The following AMMECR1 variants were observed in gnomAD, a reference collection of about 807,000 sequenced individuals.
AMMECR1 encodes nuclear protein AMMECR1.
AMMECR1 carries 3 observed loss-of-function variants against 22.5 expected under a neutral mutation model. That is an observed-to-expected ratio of 0.13 (90% confidence interval 0.06 to 0.35). The LOEUF is 0.35. Ranked by LOEUF, AMMECR1 falls within the 10% of genes least tolerant of loss-of-function variation. The pLI, the probability that AMMECR1 is intolerant of heterozygous loss-of-function variation, is 1.00. For synonymous variants in AMMECR1, 130 were observed against 116.7 expected (o/e 1.11, Z -0.74); for missense variants, 235 against 278.7 (o/e 0.84, Z 1.12).
intron 2 of AMMECR1, among the ~76,000 whole-genome samples, chrX:110,259,988 C>T (rs1188749426): frequency 9.0e-6 from 1 of 111,593 alleles, no homozygotes; most frequent in Non-Finnish European, 1.9e-5. Context: ...AATGAATCTG[C>T]CTCTGCTTTC....
intron 2 of AMMECR1, chrX:110,224,892 G>A (rs1408875845): frequency 6.6e-6 from 2 of 302,444 alleles, no homozygotes; most frequent in Non-Finnish European, 1.2e-5. Flanking sequence ...GATTCCATAG[G>A]CAGCAACTGC....
Position 110,195,781 on chromosome X carries a change from C to T in AMMECR1, c.*2739G>A, listed in dbSNP as rs1409600735. ...TCAACATGTTCAAAGTTAATTCATA[C>T]CACATAATTAACAGCTTTGTATATA... is the stretch of plus-strand genomic sequence containing the variant. On this transcript the variant is annotated 3_prime_UTR_variant, in exon 6 of 6. Transcript: ENST00000262844. 1 of 112,243 alleles carries T rather than the reference C, an allele frequency of 8.9e-6. No individual in the cohort carries two copies. Among genetic ancestry groups the T allele is most frequent in the East Asian group, 2.8e-4 (1 of 3,608 alleles). The allele number at this position is 112,243 out of a possible 1,213,427, so 9.3% of individuals were successfully genotyped here.
chrX:110,430,830 T>A (rs768976357), intron 1 of AMMECR1, among the ~76,000 whole-genome samples: 41 of 112,598 alleles, frequency 3.6e-4, no homozygotes, highest in Non-Finnish European at 7.7e-4. Flanking sequence ...GTGCTTTGAA[T>A]AAATTACTTT....
At chrX:110,204,212 A>G (rs937923968) in intron 3 of AMMECR1, among the ~76,000 whole-genome samples, 13 of 111,438 alleles carry the variant, frequency 1.2e-4, no homozygotes, top group Non-Finnish European at 2.3e-4. Flanking sequence ...TGACAATATC[A>G]GATTCCTCAT....
At chrX:110,416,966 G>A (rs1186016301) in intron 2 of AMMECR1, among the ~76,000 whole-genome samples, 2 of 112,161 alleles carry the variant, frequency 1.8e-5, no homozygotes, top group African/African-American at 3.2e-5. Context: ...TCCAATTTTC[G>A]GTTTTTGGGG....
At chrX:110,293,282 G>A (rs2067918260) in intron 1 of AMMECR1, among the ~76,000 whole-genome samples, 1 of 111,862 alleles carries the variant, frequency 8.9e-6, no homozygotes, top group Non-Finnish European at 1.9e-5. Flanking sequence ...TTCACACCAT[G>A]TGAGTATACT....
intron 1 of AMMECR1, among the ~76,000 whole-genome samples, chrX:110,280,724 C>G (rs1347076650): frequency 9.0e-6 from 1 of 111,596 alleles, no homozygotes; most frequent in East Asian, 2.8e-4. Flanking sequence ...AATATTTTCA[C>G]ATTTTTAGGA....
chrX:110,345,971 T>G (rs1348658604), intron 2 of AMMECR1, among the ~76,000 whole-genome samples: 1 of 111,914 alleles, frequency 8.9e-6, no homozygotes, highest in Non-Finnish European at 1.9e-5. Flanking sequence ...TCTGTAAAGC[T>G]TAAGTTGGTA....
At chrX:110,264,245 A>T (rs1317454618) in intron 2 of AMMECR1, among the ~76,000 whole-genome samples, 3 of 108,264 alleles carry the variant, frequency 2.8e-5, no homozygotes, top group Admixed American at 9.9e-5. Flanking sequence ...CCACTGGAAG[A>T]AAAAAAAAAC....
At chrX:110,378,070 C>A (rs1030882339) in intron 2 of AMMECR1, among the ~76,000 whole-genome samples, 1 of 107,625 alleles carries the variant, frequency 9.3e-6, no homozygotes, top group Non-Finnish European at 1.9e-5. Context: ...ATCTTTTGTC[C>A]TTTTCTTCAA....
chrX:110,335,142 A>G (rs1160688346), intron 2 of AMMECR1, among the ~76,000 whole-genome samples: 2 of 111,451 alleles, frequency 1.8e-5, no homozygotes, highest in Non-Finnish European at 3.8e-5. Flanking sequence ...TATCTTCTTC[A>G]TGGGGTTATT....
chrX:110,393,093 C>G (rs1373743075), intron 2 of AMMECR1, among the ~76,000 whole-genome samples: 1 of 111,132 alleles, frequency 9.0e-6, no homozygotes, highest in Non-Finnish European at 1.9e-5. Flanking sequence ...GGCCTGCTTC[C>G]CACCGGAGAC....
At chrX:110,349,214 C>T (rs780210647) in intron 2 of AMMECR1, among the ~76,000 whole-genome samples, 21 of 112,003 alleles carry the variant, frequency 1.9e-4, no homozygotes, top group Non-Finnish European at 3.6e-4. Context: ...GAGATTAATT[C>T]GTCAGAGGCC....
At chrX:110,270,003 G>A (rs1187168750) in intron 1 of AMMECR1, among the ~76,000 whole-genome samples, 1 of 111,458 alleles carries the variant, frequency 9.0e-6, no homozygotes, top group Non-Finnish European at 1.9e-5. Context: ...CCTTTACTAG[G>A]CTTTAAGGCT....
At chrX:110,267,486 CCCGTAACAATGGCTAT>C (rs2067776324) in intron 1 of AMMECR1, among the ~76,000 whole-genome samples, 1 of 111,269 alleles carries the variant, frequency 9.0e-6, no homozygotes. Flanking sequence ...TCAATCCTCT[CCCGTAACAATGGCTAT>C]CCAAAGTATC....
At chrX:110,302,902 C>CA (rs1325510522) in intron 1 of AMMECR1, among the ~76,000 whole-genome samples, 37 of 101,852 alleles carry the variant, frequency 3.6e-4, no homozygotes, top group South Asian at 3.0e-3. Context: ...AATCAAAAAA[C>CA]AAAAAAAAAA....
intron 2 of AMMECR1, among the ~76,000 whole-genome samples, chrX:110,410,412 A>G (rs1326891397): frequency 8.9e-6 from 1 of 112,201 alleles, no homozygotes; most frequent in Non-Finnish European, 1.9e-5. Context: ...GGACAAGAGG[A>G]ACTCGCCAAT....
rs2068390187 is a variant in AMMECR1, at chrX:110,377,995, C to T, written c.-148+48663G>A. ...CTGCACTCCAGCCTGGGCGACAGAG[C>T]GAGACTCCGTCTCAAAAAAAAAAAA... On this transcript the variant is annotated intron_variant, in intron 2 of 7. Transcript: ENST00000372057. Among the ~76,000 whole-genome samples, 4 of 83,216 alleles carry T rather than the reference C, an allele frequency of 4.8e-5. No individual in the cohort carries two copies. In the South Asian group the frequency reaches 1.8e-3, roughly 38 times the overall value. 72.3% of individuals were successfully genotyped at this position (83,216 alleles called of 115,157 possible).
chrX:110,278,777 G>A (rs1259110095), intron 1 of AMMECR1, among the ~76,000 whole-genome samples: 1 of 111,876 alleles, frequency 8.9e-6, no homozygotes, highest in South Asian at 3.8e-4. Flanking sequence ...ATATGGTCTG[G>A]AAATGGCAGT....
Sources: gnomAD v4.1 joint callset for allele counts (sites outside exome capture counted in the v4.1 genomes callset) on GRCh38, gnomAD v4.1.1 for gene constraint, MANE v1.5 for transcripts, NCBI Gene and HGNC (gene_info 2026-07-23, HGNC 2026-07-21) for gene names.